The following NIPAL2 variants were observed in gnomAD, a reference collection of about 807,000 sequenced individuals.
The protein encoded by NIPAL2 is NIPA like domain containing 2.
A neutral mutation model predicts 48.9 loss-of-function variants in NIPAL2; 43 were observed. The observed-to-expected ratio is 0.88, with a 90% confidence interval of 0.69 to 1.13. NIPAL2 has a LOEUF of 1.13. Ranked by LOEUF, NIPAL2 falls within the 50% of genes most tolerant of loss-of-function variation. The probability of loss-of-function intolerance (pLI) is 0.00; values close to 1 mark genes in which losing one functional copy is unlikely to be tolerated. For missense variants in NIPAL2, 446 were observed against 461.4 expected (o/e 0.97, Z 0.31); for synonymous variants, 167 against 174.6 (o/e 0.96, Z 0.34).
At chr8:98,257,352 T>C (rs199927893) in intron 1 of NIPAL2, among the ~76,000 whole-genome samples, 95 of 19,986 alleles carry the variant, frequency 4.8e-3, no homozygotes, top group Admixed American at 9.2e-3. Flanking sequence ...TCTTTCTTTT[T>C]TTTTTTTTTT....
At chr8:98,235,044 GA>G (rs1225307138) in intron 4 of NIPAL2, among the ~76,000 whole-genome samples, 2 of 152,026 alleles carry the variant, frequency 1.3e-5, no homozygotes, top group African/African-American at 4.8e-5. Flanking sequence ...TCAAACCAAG[GA>G]GGAAAAGAAA....
At chr8:98,262,986 G>T (rs867197843) in intron 1 of NIPAL2, among the ~76,000 whole-genome samples, 4 of 146,998 alleles carry the variant, frequency 2.7e-5, no homozygotes, top group Admixed American at 6.8e-5. Context: ...ACTCAAAACC[G>T]CTCAACTACA....
In NIPAL2 at chr8:98,254,614, G is replaced by C. The variant is rs1267192067; in HGVS notation, c.136-527C>G. 2.0e-5 allele frequency among the ~76,000 whole-genome samples: 3 copies of C among 152,184 alleles called. No homozygotes were observed. The East Asian group carries it at 5.8e-4, about 29-fold the overall frequency. On this transcript the variant is annotated intron_variant, in intron 1 of 10. Transcript: ENST00000430223. The stretch of plus-strand genomic sequence containing the variant: ...AAATCCCTTACTTCTAAGGTTCTAT[G>C]ATCTCCACTGGAGATGGGCTAAATT...
intron 1 of NIPAL2, among the ~76,000 whole-genome samples, chr8:98,260,945 C>A (rs1414292833): frequency 6.6e-6 from 1 of 152,162 alleles, no homozygotes; most frequent in Non-Finnish European, 1.5e-5. Context: ...AACGGGCAGA[C>A]TGCCTCCTCA....
At chr8:98,230,724 A>T (rs974993554) in intron 4 of NIPAL2, among the ~76,000 whole-genome samples, 8 of 152,186 alleles carry the variant, frequency 5.3e-5, no homozygotes, top group Non-Finnish European at 1.2e-4. Flanking sequence ...ATGTGGTTGG[A>T]GGAAAACACC....
intron 8 of NIPAL2, among the ~76,000 whole-genome samples, chr8:98,197,950 A>G (rs748309784): frequency 1.3e-5 from 2 of 152,238 alleles, no homozygotes; most frequent in Non-Finnish European, 2.9e-5. Context: ...GCCTCCTCCC[A>G]TGAATCACAA....
chr8:98,294,091 G>A lies in NIPAL2; in HGVS notation c.47C>T (p.Ala16Val). Residue 16 changes from alanine (A) to valine (V), a missense_variant, in exon 1 of 11, where the codon GCC (alanine) becomes GTC (valine). By Grantham distance (64) the Ala-to-Val change is moderately conservative. Coordinates refer to ENST00000430223, the MANE Select transcript of NIPAL2 (RefSeq NM_001321635.2). ...PAGPGDSASA[A>V]LDELSLNFTY... The stretch of plus-strand genomic sequence containing the variant: ...GAAATTCAGTGACAGCTCGTCCAGG[G>A]CGGCCGAGGCGGAGTCCCCGGGGCC... 6.7e-7 allele frequency: 1 copy of A among 1,490,446 alleles called. No homozygotes were observed. The highest frequency in any genetic ancestry group is 8.9e-7 in the Non-Finnish European group (1 of 1,120,468). 92.3% of individuals were successfully genotyped at this position (1,490,446 alleles called of 1,614,324 possible). A position where few individuals can be genotyped will look rare whatever the true frequency, so the allele number is the denominator to read the frequency against.
chr8:98,277,314 A>T (rs761431579), intron 1 of NIPAL2, among the ~76,000 whole-genome samples: 5 of 151,948 alleles, frequency 3.3e-5, no homozygotes, highest in Non-Finnish European at 7.4e-5. Flanking sequence ...GGATCACTTG[A>T]GGTCAGGAGT....
intron 8 of NIPAL2, 122 bp from the exon 9 acceptor site, chr8:98,196,127 A>C: frequency 1.8e-6 from 1 of 570,802 alleles, no homozygotes. Context: ...TCATCCTTAA[A>C]ATGCACATTC....
At position 98,193,055 on chromosome 8, in the gene NIPAL2, G is replaced by A. The variant is rs1177041794; in HGVS notation, c.1075C>T (p.His359Tyr). 1.2e-6 allele frequency: 2 copies of A among 1,613,996 alleles called. No homozygotes were observed. Among genetic ancestry groups the A allele is most frequent in the Middle Eastern group, 1.6e-4 (1 of 6,062 alleles). Reference sequence around the variant, plus strand: ...GGCAAAGTTCCATAGGATAAGCTATGTGAATCTGGTTGTATTTTGTCCAAC... The same window carrying A: ...GGCAAAGTTCCATAGGATAAGCTATATGAATCTGGTTGTATTTTGTCCAAC... ...QMLDKIQPDS[H>Y]SLSYGTLPDG... Residue 359 changes from histidine to tyrosine, a missense_variant, in exon 11 of 11, where the codon CAT becomes TAT. His to Tyr is a moderately conservative substitution (Grantham distance 83). Coordinates refer to ENST00000430223, the MANE Select transcript of NIPAL2 (RefSeq NM_001321635.2).
chr8:98,222,997 A>G (rs1194111082), intron 4 of NIPAL2, among the ~76,000 whole-genome samples: 1 of 152,180 alleles, frequency 6.6e-6, no homozygotes, highest in Non-Finnish European at 1.5e-5. Context: ...ATCTGTCTAG[A>G]TCTAGATGGC....
intron 1 of NIPAL2, among the ~76,000 whole-genome samples, chr8:98,256,347 C>T (rs1813890934): frequency 6.6e-6 from 1 of 152,238 alleles, no homozygotes; most frequent in East Asian, 1.9e-4. Context: ...TTTGCATCAA[C>T]ACACACTATC....
At chr8:98,212,267 T>C in intron 6 of NIPAL2, 138 bp downstream of exon 6, 1 of 428,798 alleles carries the variant, frequency 2.3e-6, no homozygotes, top group Non-Finnish European at 4.2e-6. Flanking sequence ...TAATTTAGAC[T>C]CAGTTTCTTC....
intron 1 of NIPAL2, among the ~76,000 whole-genome samples, chr8:98,270,259 A>C (rs1445555588): frequency 6.6e-6 from 1 of 152,192 alleles, no homozygotes; most frequent in Non-Finnish European, 1.5e-5. Flanking sequence ...AGAAATCTCC[A>C]AACTGCTTTC....
chr8:98,281,022 G>T (rs967272466), intron 1 of NIPAL2, among the ~76,000 whole-genome samples: 10 of 151,780 alleles, frequency 6.6e-5, no homozygotes, highest in Non-Finnish European at 1.2e-4. Flanking sequence ...AAATGAAAAG[G>T]AAGCTGGCAG....
chr8:98,252,612 G>A lies in NIPAL2; in HGVS notation c.227C>T (p.Ala76Val). ...NIQKYSHLQL[A>V]QQEHPRPYFK... Reference sequence around the variant, plus strand: ...GTATGGCCTTGGGTGCTCTTGTTGTGCCAGCTGAAGGTGAGAATATTTCTG... The same window carrying A: ...GTATGGCCTTGGGTGCTCTTGTTGTACCAGCTGAAGGTGAGAATATTTCTG... The change falls in exon 3 of 11, where the codon GCA (alanine) becomes GTA (valine). Residue 76 changes from alanine to valine, a missense_variant. By Grantham distance (64) the Ala-to-Val change is moderately conservative (BLOSUM62 0). Coordinates refer to ENST00000430223, the MANE Select transcript of NIPAL2 (RefSeq NM_001321635.2). 6.2e-7 allele frequency: 1 copy of A among 1,612,570 alleles called. No individual in the cohort carries two copies. The highest frequency in any genetic ancestry group is 8.5e-7 in the Non-Finnish European group (1 of 1,179,602).
Position 98,271,866 on chromosome 8 carries a change from G to A in NIPAL2, c.136-17779C>T, listed in dbSNP as rs187016616. On this transcript the variant is annotated intron_variant, in intron 1 of 10. Transcript: ENST00000430223. ...TATTATTTTGAGGTATGTTCCTTTG[G>A]TGCCTAGTTTGTTGAGAGTTTTTTT... Among the ~76,000 whole-genome samples the A allele has an allele frequency of 1.3e-4, 20 of 151,356 alleles. No homozygotes were observed. The East Asian group carries it at 3.7e-3, about 28-fold the overall frequency.
intron 5 of NIPAL2, among the ~76,000 whole-genome samples, chr8:98,216,801 G>A (rs1031835767): frequency 3.9e-5 from 6 of 152,198 alleles, no homozygotes; most frequent in Admixed American, 6.5e-5. Flanking sequence ...CAAAGAACAT[G>A]AAGTAATTGA....
At chr8:98,195,537 T>C (rs1326584307) in intron 9 of NIPAL2, among the ~76,000 whole-genome samples, 1 of 152,228 alleles carries the variant, frequency 6.6e-6, no homozygotes, top group Non-Finnish European at 1.5e-5. Flanking sequence ...TTATCATGAC[T>C]AAAGCAAGGG....
Sources: gnomAD v4.1 joint callset for allele counts (sites outside exome capture counted in the v4.1 genomes callset) on GRCh38, gnomAD v4.1.1 for gene constraint, MANE v1.5 for transcripts, NCBI Gene and HGNC (gene_info 2026-07-23, HGNC 2026-07-21) for gene names.